Variants in PCDH15 observed in about 807,000 individuals in gnomAD.
The protein encoded by PCDH15 is protocadherin related 15, also known as protocadherin-15.
A neutral mutation model predicts 178.5 loss-of-function variants in PCDH15; 129 were observed. The ratio of observed to expected loss-of-function variants is 0.72; its 90% CI spans 0.63 to 0.84. PCDH15 has a LOEUF of 0.84. Among genes scored for constraint, PCDH15 ranks in the 40% least tolerant of loss-of-function variants. The pLI, the probability that PCDH15 is intolerant of heterozygous loss-of-function variation, is 0.00. For synonymous variants in PCDH15, 800 were observed against 732.0 expected (o/e 1.09, Z -1.50); for missense variants, 2,230 against 2,099.9 (o/e 1.06, Z -1.21).
chr10:54,391,812 G>A (rs1262437042), intron 3 of PCDH15, among the ~76,000 whole-genome samples: 6 of 152,170 alleles, frequency 3.9e-5, no homozygotes. Context: ...AGAAGGTGAA[G>A]AGTGGATGTA....
intron 2 of PCDH15, among the ~76,000 whole-genome samples, chr10:55,090,147 T>C (rs1360725946): frequency 6.6e-6 from 1 of 152,042 alleles, no homozygotes; most frequent in Non-Finnish European, 1.5e-5. Context: ...TTTAGTTTAT[T>C]TGAAAAATAT....
rs1201156130 is a variant in PCDH15 at position 53,855,920 on chromosome 10, A to ATATATATATGTGTG, written c.3806+1254_3806+1255insCACACATATATATA. ...AGGTGATATGTATATATATATATAT[A>ATATATATATGTGTG]TGTATGTGTGTGTGTGTAATGAAAT... On this transcript the variant is annotated intron_variant, in intron 28 of 37. Transcript: ENST00000644397. 6.0e-4 allele frequency among the ~76,000 whole-genome samples: 84 copies of ATATATATATGTGTG among 140,412 alleles called. 3 individuals carry two copies. Among genetic ancestry groups the ATATATATATGTGTG allele is most frequent in the African/African-American group, 2.1e-3 (79 of 38,346 alleles). The allele number at this position is 140,412 out of a possible 152,430, so 92.1% of individuals were successfully genotyped here. A position where few individuals can be genotyped will look rare whatever the true frequency, so the allele number is the denominator to read the frequency against.
rs530453311 is a variant in PCDH15 at position 54,138,256 on chromosome 10, G to A, written c.1785-5249C>T. ...TTGTTTGTAATTGTGAGGTGTGTGT[G>A]TGTGTGAGCAAGTGTGTATCTTTTG... is the stretch of plus-strand genomic sequence containing the variant. On this transcript the variant is annotated intron_variant, in intron 14 of 37. Coordinates refer to ENST00000644397, the MANE Select transcript of PCDH15 (RefSeq NM_001384140.1). Among the ~76,000 whole-genome samples, 18 of 152,220 alleles carry A rather than the reference G, an allele frequency of 1.2e-4. No individual in the cohort carries two copies. In the South Asian group the frequency reaches 3.5e-3, roughly 30 times the overall value.
intron 1 of PCDH15, among the ~76,000 whole-genome samples, chr10:54,786,019 T>G (rs536111621): frequency 9.2e-5 from 14 of 152,154 alleles, no homozygotes; most frequent in Non-Finnish European, 1.5e-4. Flanking sequence ...ATAAATGTAT[T>G]GAGTGTCCAC....
intron 1 of PCDH15, among the ~76,000 whole-genome samples, chr10:55,274,846 G>C (rs1162741391): frequency 6.6e-6 from 1 of 152,032 alleles, no homozygotes; most frequent in African/African-American, 2.4e-5. Flanking sequence ...TGCATGTGCA[G>C]TTCAAAATAG....
intron 2 of PCDH15, among the ~76,000 whole-genome samples, chr10:55,444,233 T>C (rs764449090): frequency 1.3e-5 from 2 of 150,998 alleles, no homozygotes; most frequent in Non-Finnish European, 2.9e-5. Flanking sequence ...TGTATACCTA[T>C]GTAACAAACC....
chr10:55,347,608 T>C (rs963077152), intron 2 of PCDH15, among the ~76,000 whole-genome samples: 1 of 152,202 alleles, frequency 6.6e-6, no homozygotes, highest in Non-Finnish European at 1.5e-5. Context: ...TGTAAATTAA[T>C]TACCCTAGGG....
At chr10:55,374,194 A>C (rs1424009402) in intron 2 of PCDH15, among the ~76,000 whole-genome samples, 1 of 151,972 alleles carries the variant, frequency 6.6e-6, no homozygotes, top group East Asian at 1.9e-4. Flanking sequence ...GCTTTGTGTC[A>C]TATGGCACCT....
At chr10:54,042,281 C>T (rs1016340251) in intron 18 of PCDH15, among the ~76,000 whole-genome samples, 6 of 152,062 alleles carry the variant, frequency 3.9e-5, no homozygotes, top group African/African-American at 1.4e-4. Flanking sequence ...TGGATTAGAT[C>T]ATTTGCCCAA....
chr10:55,256,791 T>A (rs985630583), intron 1 of PCDH15, among the ~76,000 whole-genome samples: 1 of 152,158 alleles, frequency 6.6e-6, no homozygotes, highest in Non-Finnish European at 1.5e-5. Context: ...AGACTCCACC[T>A]CTGGGGGCAG....
chr10:54,078,985 G>C (rs184632701), intron 17 of PCDH15, among the ~76,000 whole-genome samples: 98 of 152,244 alleles, frequency 6.4e-4, no homozygotes, highest in Non-Finnish European at 1.6e-4. Flanking sequence ...AAGTGTAACA[G>C]GTTCCAACAT....
intron 2 of PCDH15, among the ~76,000 whole-genome samples, chr10:55,403,115 A>G (rs1250739753): frequency 6.6e-6 from 1 of 151,946 alleles, no homozygotes; most frequent in Non-Finnish European, 1.5e-5. Context: ...TTTTGAAGTG[A>G]TGTTGACTGT....
At chr10:54,215,868 C>T (rs1035437552) in intron 9 of PCDH15, among the ~76,000 whole-genome samples, 2 of 151,148 alleles carry the variant, frequency 1.3e-5, no homozygotes, top group Non-Finnish European at 3.0e-5. Flanking sequence ...AGTGAAAGCC[C>T]GCCTCTACTA....
At chr10:53,902,825 C>A (rs1365095979) in intron 26 of PCDH15, among the ~76,000 whole-genome samples, 3 of 151,978 alleles carry the variant, frequency 2.0e-5, no homozygotes, top group African/African-American at 7.2e-5. Context: ...TTCATTCAAT[C>A]AGCATTTAAA....
intron 1 of PCDH15, among the ~76,000 whole-genome samples, chr10:54,666,436 G>A (rs2094572688): frequency 6.6e-6 from 1 of 151,900 alleles, no homozygotes; most frequent in Admixed American, 6.6e-5. Context: ...GAAAACACAG[G>A]GCTCAGAAGT....
Position 54,642,164 on chromosome 10 carries a change from G to A in PCDH15, c.91+22008C>T, listed in dbSNP as rs147181502. On this transcript the variant is annotated intron_variant, in intron 2 of 37. Coordinates refer to ENST00000644397, the MANE Select transcript of PCDH15 (RefSeq NM_001384140.1). ...GGATTAATGCCTTATAAGAGGCCCCGAGAGCTGTCTGTGCCTTCTGTCATG... is the reference window on the plus strand; with the variant it reads ...GGATTAATGCCTTATAAGAGGCCCCAAGAGCTGTCTGTGCCTTCTGTCATG... 3.3e-5 allele frequency among the ~76,000 whole-genome samples: 5 copies of A among 152,122 alleles called. No homozygotes were observed. The South Asian group carries it at 6.2e-4, about 19-fold the overall frequency.
chr10:53,917,103 T>C (rs1016619370), intron 25 of PCDH15, among the ~76,000 whole-genome samples: 3 of 152,118 alleles, frequency 2.0e-5, no homozygotes, highest in African/African-American at 7.2e-5. Flanking sequence ...GAAATCATAA[T>C]GAAATAACTA....
intron 1 of PCDH15, among the ~76,000 whole-genome samples, chr10:55,236,155 T>C (rs1024727539): frequency 1.3e-5 from 2 of 151,934 alleles, no homozygotes; most frequent in Non-Finnish European, 2.9e-5. Flanking sequence ...TTCTGTTGAG[T>C]TTGAATAGCT....
intron 21 of PCDH15, among the ~76,000 whole-genome samples, chr10:53,982,134 C>T (rs1230122158): frequency 6.6e-6 from 1 of 152,168 alleles, no homozygotes; most frequent in East Asian, 1.9e-4. Flanking sequence ...CATCTCACAC[C>T]AGTTAGAATG....
Sources: gnomAD v4.1 joint callset for allele counts (sites outside exome capture counted in the v4.1 genomes callset) on GRCh38, gnomAD v4.1.1 for gene constraint, MANE v1.5 for transcripts, NCBI Gene and HGNC (gene_info 2026-07-23, HGNC 2026-07-21) for gene names.